The following NECAB1 variants were observed in gnomAD, a reference collection of about 807,000 sequenced individuals.
The protein encoded by NECAB1 is N-terminal EF-hand calcium-binding protein 1.
NECAB1 carries 29 observed loss-of-function variants against 57.5 expected under a neutral mutation model. The observed-to-expected ratio is 0.50, with a 90% CI of 0.38 to 0.69. The LOEUF (loss-of-function observed/expected upper bound fraction) is 0.69, where lower values mean the gene tolerates loss of function less well. Ranked by LOEUF, NECAB1 falls within the 30% of genes least tolerant of loss-of-function variation. The pLI is 0.00. For synonymous variants in NECAB1, 142 were observed against 147.7 expected, an observed-to-expected ratio of 0.96 and a Z score of 0.28; for missense variants, 372 against 413.8, an observed-to-expected ratio of 0.90 and a Z score of 0.88.
intron 3 of NECAB1, among the ~76,000 whole-genome samples, chr8:90,827,870 A>G (rs899052689): frequency 4.6e-5 from 7 of 151,998 alleles, no homozygotes. Flanking sequence ...ATGTAAACTT[A>G]TGGACTTTAA....
At chr8:90,934,750 T>C (rs551762377) in intron 9 of NECAB1, among the ~76,000 whole-genome samples, 2 of 152,250 alleles carry the variant, frequency 1.3e-5, no homozygotes, top group South Asian at 4.1e-4. Context: ...ATTTCCAGCA[T>C]TTAGCCTAGG....
At chr8:90,891,691 T>C (rs932352218) in intron 5 of NECAB1, among the ~76,000 whole-genome samples, 2 of 151,950 alleles carry the variant, frequency 1.3e-5, no homozygotes, top group Non-Finnish European at 1.5e-5. Flanking sequence ...CAAGACTTTT[T>C]TTCTTTTTCT....
At chr8:90,897,035 T>G (rs1394124403) in intron 5 of NECAB1, among the ~76,000 whole-genome samples, 1 of 151,886 alleles carries the variant, frequency 6.6e-6, no homozygotes, top group Non-Finnish European at 1.5e-5. Flanking sequence ...TTGTTCCTTC[T>G]ATATAGAAGT....
intron 2 of NECAB1, among the ~76,000 whole-genome samples, chr8:90,817,460 T>C (rs993274949): frequency 6.9e-5 from 7 of 100,722 alleles, no homozygotes; most frequent in Admixed American, 1.0e-4. Flanking sequence ...ATAGATTTTT[T>C]TTGTAGTTTT....
chr8:90,859,327 T>G (rs1390737145), intron 3 of NECAB1: 2 of 152,144 alleles, frequency 1.3e-5, no homozygotes, highest in Non-Finnish European at 2.9e-5. Context: ...TCGAAAGCTA[T>G]CCATTGAAAC....
intron 4 of NECAB1, among the ~76,000 whole-genome samples, chr8:90,877,223 A>C (rs1283236342): frequency 6.6e-6 from 1 of 152,086 alleles, no homozygotes; most frequent in Admixed American, 6.5e-5. Flanking sequence ...TTCCACTTCA[A>C]AGCTTTGGCA....
At chr8:90,946,257 C>T (rs571263378) in intron 10 of NECAB1, among the ~76,000 whole-genome samples, 1 of 152,226 alleles carries the variant, frequency 6.6e-6, no homozygotes, top group Non-Finnish European at 1.5e-5. Context: ...TCTGCACTTT[C>T]ATCACTGCAT....
chr8:90,897,888 G>A (rs1431153351), intron 5 of NECAB1, among the ~76,000 whole-genome samples: 1 of 152,178 alleles, frequency 6.6e-6, no homozygotes, highest in African/African-American at 2.4e-5. Flanking sequence ...CTTACCTCCT[G>A]TAAGTCACTG....
At chr8:90,944,418 C>A (rs1810749099) in intron 10 of NECAB1, among the ~76,000 whole-genome samples, 1 of 152,174 alleles carries the variant, frequency 6.6e-6, no homozygotes, top group Non-Finnish European at 1.5e-5. Flanking sequence ...AAAACTCAAG[C>A]AGATTATGTG....
chr8:90,811,233 G>A (rs1811954373), intron 2 of NECAB1, among the ~76,000 whole-genome samples: 1 of 152,162 alleles, frequency 6.6e-6, no homozygotes, highest in Non-Finnish European at 1.5e-5. Flanking sequence ...TTACAGGCGT[G>A]AGCCACTGCA....
intron 6 of NECAB1, among the ~76,000 whole-genome samples, chr8:90,924,796 C>T (rs1408413948): frequency 6.6e-6 from 1 of 152,052 alleles, no homozygotes; most frequent in Non-Finnish European, 1.5e-5. Context: ...TACAACATTT[C>T]CATTTGTATA....
intron 3 of NECAB1, among the ~76,000 whole-genome samples, chr8:90,851,547 T>C (rs1474587624): frequency 1.3e-5 from 2 of 152,172 alleles, no homozygotes; most frequent in Non-Finnish European, 2.9e-5. Context: ...CCCCATACAT[T>C]TGGTGTCATA....
chr8:90,902,338 T>TGGAGGCA (rs1809526200), intron 5 of NECAB1, among the ~76,000 whole-genome samples: 1 of 152,150 alleles, frequency 6.6e-6, no homozygotes, highest in Non-Finnish European at 1.5e-5. Context: ...GAGAATCGCT[T>TGGAGGCA]GAACCCAGGA....
At chr8:90,909,882 G>A (rs1390339007) in intron 5 of NECAB1, among the ~76,000 whole-genome samples, 1 of 151,916 alleles carries the variant, frequency 6.6e-6, no homozygotes, top group Non-Finnish European at 1.5e-5. Context: ...AGTTTCTAGT[G>A]TTATTTTCCT....
intron 10 of NECAB1, among the ~76,000 whole-genome samples, chr8:90,949,118 C>A (rs1478299677): frequency 6.6e-6 from 1 of 151,322 alleles, no homozygotes; most frequent in African/African-American, 2.4e-5. Context: ...TATGGACTCT[C>A]AAACTTCATC....
intron 5 of NECAB1, among the ~76,000 whole-genome samples, chr8:90,884,873 C>T (rs1474758412): frequency 6.6e-6 from 1 of 152,098 alleles, no homozygotes; most frequent in East Asian, 1.9e-4. Context: ...CTGAGTCAGG[C>T]CCAAGCCTTG....
intron 5 of NECAB1, among the ~76,000 whole-genome samples, chr8:90,904,450 C>T (rs1809584940): frequency 6.6e-6 from 1 of 151,696 alleles, no homozygotes; most frequent in African/African-American, 2.4e-5. Context: ...ATTTGCTAAA[C>T]ATTTAAAAAA....
At chr8:90,927,610 TACACACACAC>T (rs71560287) in intron 7 of NECAB1, among the ~76,000 whole-genome samples, 32 of 143,878 alleles carry the variant, frequency 2.2e-4, no homozygotes, top group Non-Finnish European at 3.4e-4. Context: ...TGGTGCTAGA[TACACACACAC>T]ACACACACAC....
chr8:90,893,591 C>T (rs543619359), intron 5 of NECAB1, among the ~76,000 whole-genome samples: 2 of 152,244 alleles, frequency 1.3e-5, no homozygotes, highest in East Asian at 3.9e-4. Context: ...TTCTTGAATA[C>T]ACATCCCCAG....
Sources: gnomAD v4.1 joint callset for allele counts (sites outside exome capture counted in the v4.1 genomes callset) on GRCh38, gnomAD v4.1.1 for gene constraint, MANE v1.5 for transcripts, NCBI Gene and HGNC (gene_info 2026-07-23, HGNC 2026-07-21) for gene names.